TANC1: variants seen among roughly 807,000 people sequenced by gnomAD.
The protein encoded by TANC1 is protein TANC1.
In TANC1, 77 loss-of-function variants were observed where a neutral mutation model predicts 149.7. The observed-to-expected ratio is 0.51, with a 90% CI of 0.43 to 0.62. The LOEUF (loss-of-function observed/expected upper bound fraction) is 0.62, where lower values mean the gene tolerates loss of function less well. Among genes scored for constraint, TANC1 ranks in the 20% least tolerant of loss-of-function variants. TANC1 has a pLI of 0.00. For synonymous variants in TANC1, 854 were observed against 925.0 expected (o/e 0.92, Z 1.39); for missense variants, 1,985 against 2,321.8 (o/e 0.85, Z 2.98).
At chr2:159,217,120 G>A (rs1163684079) in intron 19 of TANC1, among the ~76,000 whole-genome samples, 1 of 152,164 alleles carries the variant, frequency 6.6e-6, no homozygotes, top group Non-Finnish European at 1.5e-5. Context: ...GGACATGCAT[G>A]TGGCTGGCTG....
chr2:159,029,120 TTTTA>T (rs1344694249), intron 2 of TANC1, among the ~76,000 whole-genome samples: 1 of 152,230 alleles, frequency 6.6e-6, no homozygotes, highest in African/African-American at 2.4e-5. Context: ...TCTGTGACTG[TTTTA>T]TTTCTCTTGT....
intron 3 of TANC1, 31 bp from the exon 4 acceptor site, chr2:159,097,606 G>T (rs754323611): frequency 6.4e-7 from 1 of 1,556,946 alleles, no homozygotes; most frequent in African/African-American, 1.3e-5. Context: ...TGAATGGATG[G>T]TTTAACCTAA....
chr2:159,199,400 T>C (rs1170316126), intron 19 of TANC1, among the ~76,000 whole-genome samples: 1 of 152,234 alleles, frequency 6.6e-6, no homozygotes, highest in Non-Finnish European at 1.5e-5. Context: ...GACCTGTGCA[T>C]GGCGAGCCAG....
intron 5 of TANC1, among the ~76,000 whole-genome samples, chr2:159,144,360 A>G (rs1277266359): frequency 1.3e-5 from 2 of 152,132 alleles, no homozygotes; most frequent in Non-Finnish European, 2.9e-5. Context: ...GAGCAGGTCC[A>G]TGGATGGATG....
At chr2:159,132,048 A>G (rs1022516009) in intron 4 of TANC1, among the ~76,000 whole-genome samples, 4 of 152,158 alleles carry the variant, frequency 2.6e-5, no homozygotes, top group African/African-American at 9.7e-5. Context: ...TGATAGTTGT[A>G]TAAGTGCTCA....
Position 159,144,152 on chromosome 2 carries a change from A to C in TANC1, c.365-4990A>C, listed in dbSNP as rs1193876465. ...AAACTCTGATAGTCCTCTAGACTTA[A>C]GAGGATGAAGACTTTAAGTTGAGTG... On this transcript the variant is annotated intron_variant, in intron 5 of 26. Transcript: ENST00000263635. Among the ~76,000 whole-genome samples, 3 of 152,096 alleles carry C rather than the reference A, an allele frequency of 2.0e-5. No homozygotes were observed. In the East Asian group the frequency reaches 5.8e-4, roughly 29 times the overall value.
intron 4 of TANC1, among the ~76,000 whole-genome samples, chr2:159,117,186 C>T (rs535145541): frequency 2.0e-5 from 3 of 152,220 alleles, no homozygotes; most frequent in East Asian, 1.9e-4. Context: ...CTGTATGTGA[C>T]GAGACCTCTT....
At chr2:159,196,940 C>T in intron 18 of TANC1, 147 bp downstream of exon 18, 1 of 693,988 alleles carries the variant, frequency 1.4e-6, no homozygotes, top group South Asian at 1.9e-5. Context: ...CTATGGGCAC[C>T]ACATCCTTCC....
rs111712675 is a variant in TANC1 at position 159,093,482 on chromosome 2, C to G, written c.62-4155C>G. The stretch of plus-strand genomic sequence containing the variant: ...TTTCACTTTCTGCCCGTGGCATCAT[C>G]GTGATGCTTTCTTTGTTTGACCGTA... On this transcript the variant is annotated intron_variant, in intron 3 of 26. Coordinates refer to ENST00000263635, the MANE Select transcript of TANC1 (RefSeq NM_033394.3). 5.7e-3 allele frequency among the ~76,000 whole-genome samples: 866 copies of G among 152,296 alleles called. 4 individuals carry two copies. The highest frequency in any genetic ancestry group is 0.019 in the African/African-American group (806 of 41,560).
intron 19 of TANC1, among the ~76,000 whole-genome samples, chr2:159,200,854 C>A (rs1005112981): frequency 6.6e-6 from 1 of 152,162 alleles, no homozygotes; most frequent in Non-Finnish European, 1.5e-5. Context: ...TTGTAGTTGT[C>A]CCTTGGGTCT....
intron 19 of TANC1, among the ~76,000 whole-genome samples, chr2:159,208,947 A>T (rs1030479849): frequency 2.6e-5 from 4 of 152,232 alleles, no homozygotes; most frequent in Non-Finnish European, 4.4e-5. Context: ...GCTATAACAC[A>T]AAGGTAAATA....
chr2:159,093,651 T>C (rs552537504), intron 3 of TANC1, among the ~76,000 whole-genome samples: 1 of 152,214 alleles, frequency 6.6e-6, no homozygotes, highest in East Asian at 1.9e-4. Flanking sequence ...AGATCTTTTA[T>C]TGCCTCTGAA....
chr2:159,000,497 C>T (rs1292298828), intron 1 of TANC1, among the ~76,000 whole-genome samples: 2 of 151,948 alleles, frequency 1.3e-5, no homozygotes, highest in African/African-American at 2.4e-5. Context: ...AGTGCAGTGG[C>T]GTCTTTCTGC....
chr2:158,973,421 C>T (rs901161866), intron 1 of TANC1, among the ~76,000 whole-genome samples: 3 of 152,086 alleles, frequency 2.0e-5, no homozygotes, highest in African/African-American at 2.4e-5. Flanking sequence ...TGCATGTATA[C>T]CCATGCAAAA....
chr2:159,178,005 G>A lies in TANC1; in HGVS notation c.1903-551G>A, dbSNP rs572162606. On this transcript the variant is annotated intron_variant, in intron 13 of 26. Transcript: ENST00000263635. ...TTAAAAAAGCAATTCATAAAATAAC[G>A]TGCTATACCAAAGTAGGCAGCTTTG... is the stretch of plus-strand genomic sequence containing the variant. Among the ~76,000 whole-genome samples, 25 of 152,322 alleles carry A rather than the reference G, an allele frequency of 1.6e-4. No individual in the cohort carries two copies. In the South Asian group the frequency reaches 1.9e-3, roughly 11 times the overall value.
At position 159,018,909 on chromosome 2, in the gene TANC1, G is replaced by A. The variant is rs575731674; in HGVS notation, c.-16+17720G>A. ...GAATAAAACTCAAGGACAGAAATTT[G>A]AAACTCTTATTATGCCTTCTCGGGC... On this transcript the variant is annotated intron_variant, in intron 2 of 26. Coordinates refer to ENST00000263635, the MANE Select transcript of TANC1 (RefSeq NM_033394.3). Among the ~76,000 whole-genome samples the A allele has an allele frequency of 2.4e-3, 361 of 152,330 alleles. 1 individual carries two copies. Among genetic ancestry groups the A allele is most frequent in the African/African-American group, 7.9e-3 (330 of 41,582 alleles).
intron 2 of TANC1, among the ~76,000 whole-genome samples, chr2:159,035,591 C>G (rs745797560): frequency 6.6e-6 from 1 of 152,160 alleles, no homozygotes; most frequent in African/African-American, 2.4e-5. Context: ...TCTCAAACAC[C>G]ACTCAGTTTC....
chr2:159,214,649 T>C (rs2059235005), intron 19 of TANC1, among the ~76,000 whole-genome samples: 1 of 152,188 alleles, frequency 6.6e-6, no homozygotes, highest in African/African-American at 2.4e-5. Flanking sequence ...GTTACGCCTC[T>C]TGGAAAAATA....
intron 1 of TANC1, among the ~76,000 whole-genome samples, chr2:158,980,678 G>A (rs934222086): frequency 6.6e-6 from 1 of 151,808 alleles, no homozygotes; most frequent in African/African-American, 2.4e-5. Flanking sequence ...AGGAGGCTGA[G>A]GCAGGAGAAT....
Sources: allele counts gnomAD v4.1 joint callset (sites outside exome capture counted in the v4.1 genomes callset), GRCh38; gene constraint gnomAD v4.1.1; transcripts MANE v1.5; gene names NCBI Gene and HGNC (gene_info 2026-07-23, HGNC 2026-07-21).